The following RBFOX1 variants were observed in gnomAD, a reference collection of about 807,000 sequenced individuals.
The protein encoded by RBFOX1 is RNA binding fox-1 homolog 1, also known as RNA binding protein fox-1 homolog 1.
RBFOX1 carries 8 observed loss-of-function variants against 57.7 expected under a neutral mutation model. The observed-to-expected ratio is 0.14, with a 90% confidence interval of 0.08 to 0.25. The LOEUF (loss-of-function observed/expected upper bound fraction) is 0.25, where lower values mean the gene tolerates loss of function less well. Among genes scored for constraint, RBFOX1 ranks in the 10% least tolerant of loss-of-function variants. RBFOX1 has a pLI of 1.00. For synonymous variants in RBFOX1, 326 were observed against 222.4 expected, an observed-to-expected ratio of 1.47 and a Z score of -4.15; for missense variants, 611 against 548.5, an observed-to-expected ratio of 1.11 and a Z score of -1.14.
intron 3 of RBFOX1, among the ~76,000 whole-genome samples, chr16:6,771,716 G>C (rs1265205507): frequency 1.3e-5 from 2 of 152,162 alleles, no homozygotes; most frequent in Non-Finnish European, 2.9e-5. Context: ...AATGCTACTG[G>C]CGTCTAGCGG....
intron 5 of RBFOX1, among the ~76,000 whole-genome samples, chr16:7,521,866 G>A (rs946543710): frequency 1.3e-5 from 2 of 152,178 alleles, no homozygotes; most frequent in African/African-American, 4.8e-5. Context: ...TTTTTGGAAC[G>A]TGTCCATCAG....
chr16:5,375,907 C>G (rs1450838106), intron 1 of RBFOX1, among the ~76,000 whole-genome samples: 4 of 152,126 alleles, frequency 2.6e-5, no homozygotes, highest in African/African-American at 9.7e-5. Flanking sequence ...TGGCTCATGC[C>G]TGTAATCCCA....
chr16:5,596,708 T>C (rs2047194981), intron 2 of RBFOX1, among the ~76,000 whole-genome samples: 1 of 152,148 alleles, frequency 6.6e-6, no homozygotes, highest in South Asian at 2.1e-4. Context: ...ATCTATAAAG[T>C]GGGACTGAAA....
chr16:6,730,721 G>A (rs1420404722), intron 3 of RBFOX1, among the ~76,000 whole-genome samples: 2 of 152,304 alleles, frequency 1.3e-5, no homozygotes, highest in Middle Eastern at 3.4e-3. Flanking sequence ...TAAGGTCACT[G>A]CTAGGGGCAA....
At chr16:7,186,027 C>T (rs1430542088) in intron 4 of RBFOX1, among the ~76,000 whole-genome samples, 1 of 152,066 alleles carries the variant, frequency 6.6e-6, no homozygotes, top group Non-Finnish European at 1.5e-5. Flanking sequence ...CAGACAGGTT[C>T]AGCGATATTT....
rs559434055 is a variant in RBFOX1 at position 7,675,954 on chromosome 16, C to T, written c.931-820C>T. On this transcript the variant is annotated intron_variant, in intron 13 of 15. Transcript: ENST00000550418. ...GTTATATTCACAGTTTGATCATCAA[C>T]GCTCCACTGAACACAATTCCTTTTG... is the stretch of plus-strand genomic sequence containing the variant. 6.6e-5 allele frequency among the ~76,000 whole-genome samples: 10 copies of T among 152,312 alleles called. No individual in the cohort carries two copies. The South Asian group carries it at 1.0e-3, about 16-fold the overall frequency.
At chr16:5,745,779 T>G (rs2052957147) in intron 3 of RBFOX1, among the ~76,000 whole-genome samples, 1 of 152,224 alleles carries the variant, frequency 6.6e-6, no homozygotes, top group African/African-American at 2.4e-5. Context: ...ACCCACTTTT[T>G]GATGGGGTTG....
intron 4 of RBFOX1, among the ~76,000 whole-genome samples, chr16:7,296,563 C>G (rs1218506838): frequency 6.6e-6 from 1 of 152,150 alleles, no homozygotes; most frequent in Non-Finnish European, 1.5e-5. Context: ...AGCTCACATG[C>G]TCATGTTCAC....
intron 2 of RBFOX1, among the ~76,000 whole-genome samples, chr16:5,474,140 C>A (rs1462293963): frequency 1.3e-5 from 2 of 152,148 alleles, no homozygotes; most frequent in Non-Finnish European, 2.9e-5. Flanking sequence ...ATAAGAATTT[C>A]TTTGGCATTA....
intron 4 of RBFOX1, among the ~76,000 whole-genome samples, chr16:7,243,967 A>G (rs960745249): frequency 1.9e-5 from 2 of 105,474 alleles, no homozygotes; most frequent in African/African-American, 5.7e-5. Context: ...ACAAAACTCG[A>G]TAACTAACAT....
intron 3 of RBFOX1, among the ~76,000 whole-genome samples, chr16:6,909,005 C>A (rs1410542513): frequency 4.6e-5 from 7 of 152,158 alleles, no homozygotes; most frequent in Non-Finnish European, 1.0e-4. Context: ...CATGCTTAGA[C>A]TTCCATTTCT....
At chr16:5,606,574 G>A (rs1020251924) in intron 3 of RBFOX1, among the ~76,000 whole-genome samples, 4 of 152,060 alleles carry the variant, frequency 2.6e-5, no homozygotes, top group Admixed American at 6.6e-5. Context: ...AGAGTTGGAA[G>A]GTATGCATAT....
intron 4 of RBFOX1, among the ~76,000 whole-genome samples, chr16:7,141,561 G>A (rs1462557411): frequency 1.3e-5 from 2 of 152,142 alleles, no homozygotes; most frequent in Non-Finnish European, 2.9e-5. Context: ...TTTTATTTTG[G>A]AAGGTGGGGC....
At chr16:6,818,249 C>A (rs967795610) in intron 3 of RBFOX1, among the ~76,000 whole-genome samples, 1 of 151,954 alleles carries the variant, frequency 6.6e-6, no homozygotes, top group Admixed American at 6.6e-5. Context: ...CAAGCAGAGG[C>A]TTTAGAAGTA....
chr16:6,175,548 G>C (rs920001264), intron 1 of RBFOX1, among the ~76,000 whole-genome samples: 1 of 152,180 alleles, frequency 6.6e-6, no homozygotes, highest in African/African-American at 2.4e-5. Flanking sequence ...GGTTGTAATG[G>C]TTGCGCTTTT....
chr16:7,084,345 A>C (rs2059658532), intron 4 of RBFOX1, among the ~76,000 whole-genome samples: 1 of 151,898 alleles, frequency 6.6e-6, no homozygotes, highest in Non-Finnish European at 1.5e-5. Context: ...GGAGGGAAGA[A>C]AGAAAAAAAT....
intron 3 of RBFOX1, among the ~76,000 whole-genome samples, chr16:6,834,508 A>ATGAG (rs2092944238): frequency 6.6e-6 from 1 of 150,616 alleles, no homozygotes; most frequent in African/African-American, 2.5e-5. Context: ...TTATTGATGA[A>ATGAG]TGAATGAATG....
chr16:5,413,978 C>T (rs1251661830), intron 1 of RBFOX1, among the ~76,000 whole-genome samples: 1 of 152,150 alleles, frequency 6.6e-6, no homozygotes, highest in Non-Finnish European at 1.5e-5. Flanking sequence ...ATCCATTTTA[C>T]AGATGAGGAC....
intron 4 of RBFOX1, among the ~76,000 whole-genome samples, chr16:7,372,998 C>G (rs1269332222): frequency 6.6e-6 from 1 of 150,652 alleles, no homozygotes; most frequent in Non-Finnish European, 1.5e-5. Context: ...GTGGTGCATT[C>G]TTGGCTCACT....
Sources: gnomAD v4.1 joint callset for allele counts (sites outside exome capture counted in the v4.1 genomes callset) on GRCh38, gnomAD v4.1.1 for gene constraint, MANE v1.5 for transcripts, NCBI Gene and HGNC (gene_info 2026-07-23, HGNC 2026-07-21) for gene names.